The following UGT1A9 variants were observed in gnomAD, a reference collection of about 807,000 sequenced individuals.
The protein encoded by UGT1A9 is UDP-glucuronosyltransferase 1A9.
Under a neutral mutation model 45.0 loss-of-function variants are expected in UGT1A9, and 35 were observed. The ratio of observed to expected loss-of-function variants is 0.78; its 90% CI spans 0.59 to 1.03. The LOEUF (loss-of-function observed/expected upper bound fraction) is 1.03, where lower values mean the gene tolerates loss of function less well. Ranked by LOEUF, UGT1A9 falls within the 50% of genes least tolerant of loss-of-function variation. UGT1A9 has a pLI of 0.00. For missense variants in UGT1A9, 687 were observed against 666.6 expected (o/e 1.03, Z -0.34); for synonymous variants, 278 against 250.6 (o/e 1.11, Z -1.03).
chr2:233,761,695 G>T (rs1292253541), intron 1 of UGT1A9, among the ~76,000 whole-genome samples: 1 of 152,240 alleles, frequency 6.6e-6, no homozygotes, highest in East Asian at 1.9e-4. Flanking sequence ...ATACAGAAAG[G>T]TTGTAGGTTT....
chr2:233,685,482 G>C (rs2125532234), intron 1 of UGT1A9, among the ~76,000 whole-genome samples: 1 of 152,290 alleles, frequency 6.6e-6, no homozygotes, highest in South Asian at 2.1e-4. Context: ...TGGAGAACTG[G>C]GACTGGGATG....
intron 1 of UGT1A9, chr2:233,691,347 G>A: frequency 1.0e-6 from 1 of 985,522 alleles, no homozygotes; most frequent in Non-Finnish European, 1.2e-6. Flanking sequence ...GTCTTCGCAT[G>A]CCTTGAACAA....
At chr2:233,690,721 G>A in intron 1 of UGT1A9, 1 of 1,214,646 alleles carries the variant, frequency 8.2e-7, no homozygotes, top group Admixed American at 3.3e-5. Context: ...ATGACGAACA[G>A]ACATGCCAGA....
intron 1 of UGT1A9, chr2:233,729,394 G>T: frequency 1.2e-6 from 2 of 1,613,862 alleles, no homozygotes; most frequent in Non-Finnish European, 1.7e-6. Context: ...GGATGAATTT[G>T]ATCGCCATGT....
Position 233,729,591 on chromosome 2 carries a change from C to T in UGT1A9, c.856-37443C>T, listed in dbSNP as rs142676251. Reference sequence around the variant, plus strand: ...ATGTGGTTTTAACAGACCCCGTTAACCTCTGCGCGGCAGTGCTGGCTAAGT... The same window carrying T: ...ATGTGGTTTTAACAGACCCCGTTAATCTCTGCGCGGCAGTGCTGGCTAAGT... On this transcript the variant is annotated intron_variant, in intron 1 of 4. Coordinates refer to ENST00000354728, the MANE Select transcript of UGT1A9 (RefSeq NM_021027.3). 633 of 1,613,962 alleles carry T rather than the reference C, an allele frequency of 3.9e-4. 1 individual carries two copies. Among genetic ancestry groups the T allele is most frequent in the Non-Finnish European group, 5.0e-4 (593 of 1,179,978 alleles).
At chr2:233,742,568 G>A (rs1692020087) in intron 1 of UGT1A9, among the ~76,000 whole-genome samples, 1 of 151,798 alleles carries the variant, frequency 6.6e-6, no homozygotes, top group African/African-American at 2.4e-5. Context: ...GCTTCTGGCC[G>A]GAATTGGGGG....
chr2:233,730,335 A>G (rs923497245), intron 1 of UGT1A9, among the ~76,000 whole-genome samples: 1 of 152,192 alleles, frequency 6.6e-6, no homozygotes, highest in Non-Finnish European at 1.5e-5. Flanking sequence ...CTACGTTTGG[A>G]ACTGATCCAT....
intron 1 of UGT1A9, among the ~76,000 whole-genome samples, chr2:233,686,413 A>C (rs895224661): frequency 6.6e-6 from 1 of 152,186 alleles, no homozygotes; most frequent in Non-Finnish European, 1.5e-5. Flanking sequence ...TAAGGTGTGC[A>C]GATAAACACA....
intron 1 of UGT1A9, chr2:233,689,926 C>A (rs185092519): frequency 4.4e-6 from 2 of 456,604 alleles, no homozygotes; most frequent in Non-Finnish European, 8.8e-6. Context: ...GAATTTCCTT[C>A]GAAAGAACCC....
At chr2:233,754,933 C>CAAAGG (rs1267849400) in intron 1 of UGT1A9, 2 of 1,344,048 alleles carry the variant, frequency 1.5e-6, no homozygotes, top group African/African-American at 3.0e-5. Flanking sequence ...CCCAAGAGGT[C>CAAAGG]AAAGGAGAAT....
At chr2:233,726,002 C>CA (rs1248368062) in intron 1 of UGT1A9, among the ~76,000 whole-genome samples, 5 of 151,912 alleles carry the variant, frequency 3.3e-5, no homozygotes, top group African/African-American at 1.2e-4. Flanking sequence ...TGCATCTCTA[C>CA]AAAAAATCAA....
At chr2:233,678,165 A>G (rs2074410372) in intron 1 of UGT1A9, among the ~76,000 whole-genome samples, 1 of 152,166 alleles carries the variant, frequency 6.6e-6, no homozygotes, top group Non-Finnish European at 1.5e-5. Flanking sequence ...ATGGACTCCT[A>G]AAAGGGAGAG....
At chr2:233,746,047 C>G (rs1179932554) in intron 1 of UGT1A9, among the ~76,000 whole-genome samples, 1 of 151,694 alleles carries the variant, frequency 6.6e-6, no homozygotes, top group South Asian at 2.1e-4. Flanking sequence ...GGCTTGGATG[C>G]AGGGTCTAGA....
chr2:233,722,527 A>G (rs1427229559), intron 1 of UGT1A9, among the ~76,000 whole-genome samples: 1 of 152,148 alleles, frequency 6.6e-6, no homozygotes, highest in African/African-American at 2.4e-5. Context: ...TTTTTGCCTT[A>G]ATGATTTCAT....
intron 1 of UGT1A9, chr2:233,682,246 A>T: frequency 6.2e-7 from 1 of 1,614,216 alleles, no homozygotes; most frequent in Non-Finnish European, 8.5e-7. Context: ...CACCATTGCG[A>T]AGTGCATTTT....
At chr2:233,706,111 T>C (rs2075890195) in intron 1 of UGT1A9, among the ~76,000 whole-genome samples, 1 of 151,910 alleles carries the variant, frequency 6.6e-6, no homozygotes, top group African/African-American at 2.4e-5. Flanking sequence ...AAACCAAGAA[T>C]TTCAGGACAC....
intron 1 of UGT1A9, among the ~76,000 whole-genome samples, chr2:233,716,254 A>C (rs1204855688): frequency 6.6e-6 from 1 of 152,204 alleles, no homozygotes; most frequent in Non-Finnish European, 1.5e-5. Flanking sequence ...GACATCCAGC[A>C]TAATCTCCCC....
chr2:233,760,224 G>A, intron 1 of UGT1A9: 1 of 1,586,310 alleles, frequency 6.3e-7, no homozygotes. Flanking sequence ...TGTATCGATT[G>A]GTTTTTGCCA....
intron 4 of UGT1A9, among the ~76,000 whole-genome samples, chr2:233,771,929 A>G (rs1433247357): frequency 6.6e-6 from 1 of 152,182 alleles, no homozygotes; most frequent in African/African-American, 2.4e-5. Flanking sequence ...AGCCTGGGCA[A>G]CACAATAAGA....
Sources: allele counts gnomAD v4.1 joint callset (sites outside exome capture counted in the v4.1 genomes callset), GRCh38; gene constraint gnomAD v4.1.1; transcripts MANE v1.5; gene names NCBI Gene and HGNC (gene_info 2026-07-23, HGNC 2026-07-21).